VDAC1: variants seen among roughly 807,000 people sequenced by gnomAD.
VDAC1 encodes the protein non-selective voltage-gated ion channel VDAC1.
A neutral mutation model predicts 34.7 loss-of-function variants in VDAC1; 10 were observed. That is an observed-to-expected ratio of 0.29 (90% CI 0.18 to 0.49). VDAC1 has a LOEUF of 0.49. Ranked by LOEUF, VDAC1 falls within the 20% of genes least tolerant of loss-of-function variation. VDAC1 has a pLI of 0.99. For missense variants in VDAC1, 230 were observed against 347.9 expected (o/e 0.66, Z 2.69); for synonymous variants, 130 against 136.0 (o/e 0.96, Z 0.30).
the VDAC1 span, among the ~76,000 whole-genome samples, chr5:134,048,621 C>T: frequency 2.0e-5 from 3 of 152,106 alleles, no homozygotes; most frequent in African/African-American, 7.2e-5. Context: ...AAGAGAAATA[C>T]TTATTAAAGA....
chr5:134,098,577 C>G, the VDAC1 span, among the ~76,000 whole-genome samples: 6 of 152,208 alleles, frequency 3.9e-5, no homozygotes, highest in Non-Finnish European at 7.3e-5. Context: ...CAATGCTCCC[C>G]TCTCAACCTC....
the VDAC1 span, among the ~76,000 whole-genome samples, chr5:134,051,691 TTTTG>T: frequency 6.6e-6 from 1 of 151,692 alleles, no homozygotes; most frequent in South Asian, 2.1e-4. Flanking sequence ...TTGGCTTTGT[TTTTG>T]TTTTTGTTTT....
At chr5:133,993,765 A>T (rs1753195338) in intron 1 of VDAC1, among the ~76,000 whole-genome samples, 1 of 152,244 alleles carries the variant, frequency 6.6e-6, no homozygotes, top group Non-Finnish European at 1.5e-5. Flanking sequence ...TCACTAAGTC[A>T]ATCAACAAAC....
chr5:133,998,517 AGAGC>A (rs1334079847), intron 1 of VDAC1, among the ~76,000 whole-genome samples: 12 of 152,176 alleles, frequency 7.9e-5, no homozygotes, highest in African/African-American at 2.9e-4. Context: ...CCTGGGTGAC[AGAGC>A]GAGAGACTCC....
At chr5:134,102,326 C>G in the VDAC1 span, among the ~76,000 whole-genome samples, 9 of 149,826 alleles carry the variant, frequency 6.0e-5, no homozygotes, top group African/African-American at 2.2e-4. Context: ...CCCATCCCCC[C>G]ACCCTCTACC....
the VDAC1 span, among the ~76,000 whole-genome samples, chr5:134,054,847 G>A: frequency 3.6e-3 from 555 of 152,312 alleles, 1 homozygote; most frequent in African/African-American, 0.013. Flanking sequence ...ACCACAGGAA[G>A]CGGCGACTGA....
the VDAC1 span, among the ~76,000 whole-genome samples, chr5:134,029,880 T>A: frequency 2.6e-5 from 4 of 152,178 alleles, no homozygotes; most frequent in South Asian, 8.3e-4. Flanking sequence ...TGTGAGAAAA[T>A]GGCACAGAAC....
the VDAC1 span, among the ~76,000 whole-genome samples, chr5:134,055,880 T>C: frequency 1.3e-5 from 2 of 151,976 alleles, no homozygotes; most frequent in African/African-American, 4.8e-5. Flanking sequence ...ACCTTTCCTA[T>C]GGGCGTGCAA....
the VDAC1 span, among the ~76,000 whole-genome samples, chr5:134,087,161 A>C: frequency 2.0e-5 from 3 of 152,098 alleles, no homozygotes; most frequent in Non-Finnish European, 2.9e-5. Context: ...GAGGGCGCAC[A>C]CCGGGCCTTG....
In VDAC1 at chr5:133,992,976, A is replaced by T; in HGVS notation, c.37T>A (p.Ser13Thr). Reference protein sequence around the residue: ...VPPTYADLGKSARDVFTKGYG... With the variant: ...VPPTYADLGKTARDVFTKGYG... ...CCCTTGGTGAAGACATCCCTGGCAG[A>T]TTTGCCAAGATCGGCATACGTGGGT... Residue 13 changes from serine to threonine, a missense_variant, in exon 2 of 9, where the codon TCT becomes ACT. By Grantham distance (58) the Ser-to-Thr change is moderately conservative (BLOSUM62 1). Coordinates refer to ENST00000265333, the MANE Select transcript of VDAC1 (RefSeq NM_003374.3). 6.2e-7 allele frequency: 1 copy of T among 1,613,698 alleles called. No homozygotes were observed. The highest frequency in any genetic ancestry group is 8.5e-7 in the Non-Finnish European group (1 of 1,179,730).
the VDAC1 span, among the ~76,000 whole-genome samples, chr5:134,102,763 T>C: frequency 2.0e-5 from 3 of 152,078 alleles, no homozygotes; most frequent in Admixed American, 6.5e-5. Flanking sequence ...CTGGGTTTTC[T>C]GGTTTGTTTT....
the VDAC1 span, among the ~76,000 whole-genome samples, chr5:134,101,330 C>T: frequency 6.6e-6 from 1 of 151,550 alleles, no homozygotes; most frequent in African/African-American, 2.4e-5. Flanking sequence ...TGGCTCACGC[C>T]TGTAATCCCA....
At chr5:134,037,181 C>T in the VDAC1 span, among the ~76,000 whole-genome samples, 13 of 152,074 alleles carry the variant, frequency 8.5e-5, no homozygotes, top group South Asian at 2.1e-4. Context: ...ATGGAAGAAA[C>T]GAGGCCCAAT....
the VDAC1 span, among the ~76,000 whole-genome samples, chr5:134,050,247 A>G: frequency 6.6e-6 from 1 of 152,154 alleles, no homozygotes; most frequent in Non-Finnish European, 1.5e-5. Context: ...GACTCCGTCT[A>G]AAAGAAAATA....
the VDAC1 span, among the ~76,000 whole-genome samples, chr5:134,013,365 G>T: frequency 6.6e-6 from 1 of 152,130 alleles, no homozygotes; most frequent in Non-Finnish European, 1.5e-5. Flanking sequence ...AGTCCAGGAG[G>T]TCGAGGCTGC....
At chr5:133,992,285 C>A in intron 3 of VDAC1, 21 bp downstream of exon 3, 1 of 1,520,830 alleles carries the variant, frequency 6.6e-7, no homozygotes. Context: ...ACTCATGTTC[C>A]ATGTGGGTTG....
the VDAC1 span, among the ~76,000 whole-genome samples, chr5:134,047,647 C>A: frequency 1.2e-4 from 19 of 152,254 alleles, no homozygotes; most frequent in Non-Finnish European, 2.6e-4. Flanking sequence ...CTGCAGGCAC[C>A]ATCCATAAGC....
chr5:133,975,109 A>G lies in VDAC1; in HGVS notation c.702+762T>C, dbSNP rs77907586. ...GAGTGAGACATTGTCTCTACTAAAA[A>G]TTTTTTTTTAATTAGCCAGGCATGC... On this transcript the variant is annotated intron_variant, in intron 7 of 8. Coordinates refer to ENST00000265333, the MANE Select transcript of VDAC1 (RefSeq NM_003374.3). 3.8e-3 allele frequency among the ~76,000 whole-genome samples: 574 copies of G among 151,888 alleles called. 6 individuals carry two copies. Among genetic ancestry groups the G allele is most frequent in the African/African-American group, 0.013 (536 of 41,414 alleles).
the VDAC1 span, among the ~76,000 whole-genome samples, chr5:134,017,389 G>A: frequency 6.6e-6 from 1 of 151,802 alleles, no homozygotes; most frequent in Non-Finnish European, 1.5e-5. Flanking sequence ...CCTGGAGGTG[G>A]AGGTTGCAGT....
Sources: allele counts gnomAD v4.1 joint callset (sites outside exome capture counted in the v4.1 genomes callset), GRCh38; gene constraint gnomAD v4.1.1; transcripts MANE v1.5; gene names NCBI Gene and HGNC (gene_info 2026-07-23, HGNC 2026-07-21).